DSCC1: variants seen among roughly 807,000 people sequenced by gnomAD.
DSCC1 encodes DNA replication and sister chromatid cohesion 1.
In DSCC1, 32 loss-of-function variants were observed where a neutral mutation model predicts 48.2. That is an observed-to-expected ratio of 0.66 (90% confidence interval 0.50 to 0.89). DSCC1 has a LOEUF of 0.89. DSCC1 is among the 40% of genes least tolerant of loss of function. The pLI is 0.00. For missense variants in DSCC1, 421 were observed against 471.7 expected (o/e 0.89, Z 1.00); for synonymous variants, 150 against 171.5 (o/e 0.87, Z 0.98).
At chr8:119,854,780 A>C (rs1220963904) in intron 1 of DSCC1, among the ~76,000 whole-genome samples, 2 of 152,252 alleles carry the variant, frequency 1.3e-5, no homozygotes, top group African/African-American at 4.8e-5. Flanking sequence ...AAGTTCTTTC[A>C]GTTCCCTTAA....
At chr8:119,842,630 C>T in intron 6 of DSCC1, 146 bp downstream of exon 6, 1 of 646,370 alleles carries the variant, frequency 1.5e-6, no homozygotes, top group East Asian at 3.2e-5. Flanking sequence ...AAGCGACCCA[C>T]CCACTGCAGC....
chr8:119,853,171 C>T lies in DSCC1; in HGVS notation c.227G>A (p.Ser76Asn), dbSNP rs758716644. 6.2e-7 allele frequency: 1 copy of T among 1,613,702 alleles called. No individual in the cohort carries two copies. The highest frequency in any genetic ancestry group is 1.1e-5 in the South Asian group (1 of 91,028). ...CTTCAAGTCGTATGTTTTGTCTTTA[C>T]TGCACAGCACAGCTTGCTCGTCTTT... Reference protein sequence around the residue: ...GDKDEQAVLCSKDKTYDLKIA... With the variant: ...GDKDEQAVLCNKDKTYDLKIA... Residue 76 changes from serine (S) to asparagine (N), a missense_variant, in exon 2 of 9, where the codon AGT (serine) becomes AAT (asparagine). Physicochemically the swap from Ser to Asn is conservative, Grantham distance 46. Around this residue, in one of 3 missense-constraint regions of DSCC1, gnomAD observed 174 missense variants for 184.5 expected, o/e 0.94. Transcript: ENST00000313655.
At chr8:119,836,340 C>T (rs1826683032) in intron 8 of DSCC1, among the ~76,000 whole-genome samples, 1 of 151,882 alleles carries the variant, frequency 6.6e-6, no homozygotes, top group Admixed American at 6.6e-5. Context: ...AATGAGTTGA[C>T]GATTATGGAA....
At chr8:119,835,150 G>A in intron 8 of DSCC1, 149 bp from the exon 9 acceptor site, 2 of 573,072 alleles carry the variant, frequency 3.5e-6, no homozygotes, top group Non-Finnish European at 6.0e-6. Context: ...AGGGTGGGGA[G>A]TGGTTCTAAG....
chr8:119,845,986 C>CTGGG lies in DSCC1; in HGVS notation c.577+1000_577+1003dup, dbSNP rs530355366. Among the ~76,000 whole-genome samples, 84 of 152,192 alleles carry CTGGG rather than the reference C, an allele frequency of 5.5e-4. No individual in the cohort carries two copies. The East Asian group carries it at 0.015, about 27-fold the overall frequency. On this transcript the variant is annotated intron_variant, in intron 4 of 8. Coordinates refer to ENST00000313655, the MANE Select transcript of DSCC1 (RefSeq NM_024094.3). The stretch of plus-strand genomic sequence containing the variant: ...TTAATTTTGCTAGGAGTTCAAGGAC[C>CTGGG]TGGGTTCTATGCCATATGCTGTCAC...
intron 1 of DSCC1, among the ~76,000 whole-genome samples, chr8:119,855,358 G>GT (rs1168983680): frequency 2.0e-5 from 3 of 152,310 alleles, no homozygotes; most frequent in African/African-American, 7.2e-5. Flanking sequence ...CTTCACGGAG[G>GT]TTGTATTAGT....
chr8:119,838,173 T>C lies in DSCC1; in HGVS notation c.1073+86A>G, dbSNP rs921785921. 8 of 1,404,390 alleles carry C rather than the reference T, an allele frequency of 5.7e-6. No individual in the cohort carries two copies. In the Admixed American group the frequency reaches 1.1e-4, roughly 19 times the overall value. 87.0% of individuals were successfully genotyped at this position (1,404,390 alleles called of 1,614,324 possible). A position where few individuals can be genotyped will look rare whatever the true frequency, so the allele number is the denominator to read the frequency against. On this transcript the variant is annotated intron_variant, in intron 8 of 8. Transcript: ENST00000313655. ...TATCCTCAGGGAATACTCAAGAAAA[T>C]TGTGTTCCAATCATAAATCTAAAAT...
At position 119,838,445 on chromosome 8, in the gene DSCC1, T is replaced by C. The variant is rs749838238; in HGVS notation, c.925-38A>G. Reference sequence around the variant, plus strand: ...AGAAGAAACAGAGCAGTTAAAGTAATGTTGTAATGTTTAAACATGACTCAT... The same window carrying C: ...AGAAGAAACAGAGCAGTTAAAGTAACGTTGTAATGTTTAAACATGACTCAT... On this transcript the variant is annotated intron_variant, in intron 7 of 8. Transcript: ENST00000313655. 5.3e-6 allele frequency: 8 copies of C among 1,517,602 alleles called. No individual in the cohort carries two copies. The South Asian group carries it at 8.4e-5, about 16-fold the overall frequency. The allele number at this position is 1,517,602 out of a possible 1,614,324, so 94.0% of individuals were successfully genotyped here.
intron 1 of DSCC1, among the ~76,000 whole-genome samples, chr8:119,854,942 G>A (rs1357175960): frequency 2.6e-5 from 4 of 152,214 alleles, no homozygotes; most frequent in Admixed American, 2.6e-4. Context: ...GGTGTCGGAG[G>A]ACCAATTGTG....
intron 2 of DSCC1, among the ~76,000 whole-genome samples, chr8:119,851,032 G>C (rs973348062): frequency 6.6e-6 from 1 of 152,182 alleles, no homozygotes; most frequent in African/African-American, 2.4e-5. Flanking sequence ...TAGAACTGCA[G>C]CTAATTCCAC....
chr8:119,853,878 T>C (rs1418739317), intron 1 of DSCC1, among the ~76,000 whole-genome samples: 1 of 152,166 alleles, frequency 6.6e-6, no homozygotes, highest in African/African-American at 2.4e-5. Context: ...AAGGATATGT[T>C]TAAAAACTGT....
intron 6 of DSCC1, among the ~76,000 whole-genome samples, chr8:119,842,397 T>C (rs1289716394): frequency 6.8e-6 from 1 of 146,080 alleles, no homozygotes; most frequent in Non-Finnish European, 1.5e-5. Context: ...TTTTTCTTTC[T>C]GAGAGAGAGG....
chr8:119,849,323 T>G (rs1199336006), intron 3 of DSCC1, among the ~76,000 whole-genome samples: 1 of 142,070 alleles, frequency 7.0e-6, no homozygotes. Flanking sequence ...GGAGAATCAC[T>G]TGAACCCAGG....
intron 4 of DSCC1, among the ~76,000 whole-genome samples, chr8:119,844,608 G>T (rs577741888): frequency 1.3e-5 from 2 of 150,356 alleles, no homozygotes; most frequent in South Asian, 2.1e-4. Flanking sequence ...TAGAGATGGG[G>T]TCTTACTCTT....
At chr8:119,839,636 CCTCT>C (rs1251216715) in intron 7 of DSCC1, 1 of 152,168 alleles carries the variant, frequency 6.6e-6, no homozygotes, top group Non-Finnish European at 1.5e-5. Flanking sequence ...GATGAGGTAA[CCTCT>C]CTAACTGATG....
chr8:119,842,387 T>C (rs1826785963), intron 6 of DSCC1, among the ~76,000 whole-genome samples: 1 of 150,944 alleles, frequency 6.6e-6, no homozygotes, highest in Non-Finnish European at 1.5e-5. Flanking sequence ...TTTTTTTTTT[T>C]TTTTCTTTCT....
At chr8:119,846,198 C>T (rs1239276448) in intron 4 of DSCC1, among the ~76,000 whole-genome samples, 2 of 150,528 alleles carry the variant, frequency 1.3e-5, no homozygotes, top group African/African-American at 4.9e-5. Flanking sequence ...ACTGCAACCT[C>T]CGCCTTCCAG....
chr8:119,853,188 C>G lies in DSCC1; in HGVS notation c.210G>C (p.Glu70Asp), dbSNP rs1412958549. Reference sequence around the variant, plus strand: ...TGTCTTTACTGCACAGCACAGCTTGCTCGTCTTTATCACCACGAATCACAA... The same window carrying G: ...TGTCTTTACTGCACAGCACAGCTTGGTCGTCTTTATCACCACGAATCACAA... Reference protein sequence around the residue: ...HSLVIRGDKDEQAVLCSKDKT... With the variant: ...HSLVIRGDKDDQAVLCSKDKT... The change falls in exon 2 of 9, where the codon GAG becomes GAC. Residue 70 changes from glutamate (E) to aspartate (D), a missense_variant. Coordinates refer to ENST00000313655, the MANE Select transcript of DSCC1 (RefSeq NM_024094.3). The G allele has an allele frequency of 1.2e-6, 2 of 1,611,492 alleles. No homozygotes were observed. Among genetic ancestry groups the G allele is most frequent in the Admixed American group, 3.3e-5 (2 of 59,792 alleles).
rs748644620 is a variant in DSCC1, at chr8:119,841,862, C to A, written c.856G>T (p.Ala286Ser). 2 of 1,614,078 alleles carry A rather than the reference C, an allele frequency of 1.2e-6. No homozygotes were observed. Among genetic ancestry groups the A allele is most frequent in the Middle Eastern group, 1.6e-4 (1 of 6,062 alleles). ...TGCTGCCACACTTCTTGAAACTCAG[C>A]GAGATTGAATTTCACCGCATTCTGA... ...LLQNAVKFNL[A>S]EFQEVWQQSV... The change falls in exon 7 of 9, where the codon GCT becomes TCT. Residue 286 changes from alanine (A) to serine (S), a missense_variant. Coordinates refer to ENST00000313655, the MANE Select transcript of DSCC1 (RefSeq NM_024094.3).
Sources: allele counts gnomAD v4.1 joint callset (sites outside exome capture counted in the v4.1 genomes callset), GRCh38; gene constraint gnomAD v4.1.1; regional missense constraint gnomAD v4.1.1; transcripts MANE v1.5; gene names NCBI Gene and HGNC (gene_info 2026-07-23, HGNC 2026-07-21).